The following CCDC85C variants were observed in gnomAD, a reference collection of about 807,000 sequenced individuals.
The protein encoded by CCDC85C is coiled-coil domain-containing protein 85C.
Under a neutral mutation model 38.3 loss-of-function variants are expected in CCDC85C, and 18 were observed. That is an observed-to-expected ratio of 0.47 (90% CI 0.33 to 0.70). CCDC85C has a LOEUF of 0.70. Among genes scored for constraint, CCDC85C ranks in the 30% least tolerant of loss-of-function variants. The probability of loss-of-function intolerance (pLI) is 0.03; values close to 1 mark genes in which losing one functional copy is unlikely to be tolerated. For synonymous variants in CCDC85C, 264 were observed against 293.8 expected, an observed-to-expected ratio of 0.90 and a Z score of 1.04; for missense variants, 566 against 621.2, an observed-to-expected ratio of 0.91 and a Z score of 0.94.
intron 1 of CCDC85C, among the ~76,000 whole-genome samples, chr14:99,590,644 C>T (rs913982377): frequency 1.3e-5 from 2 of 152,186 alleles, no homozygotes; most frequent in African/African-American, 2.4e-5. Context: ...GGGGCTTTCA[C>T]GTGACCTTCC....
chr14:99,532,340 A>G (rs969412751), intron 2 of CCDC85C, among the ~76,000 whole-genome samples: 6 of 152,208 alleles, frequency 3.9e-5, no homozygotes, highest in African/African-American at 1.4e-4. Flanking sequence ...CCTCACAGGC[A>G]GTGCCCTGCC....
chr14:99,510,687 G>A lies in CCDC85C; in HGVS notation c.*4559C>T, dbSNP rs374537883. On this transcript the variant is annotated 3_prime_UTR_variant, in exon 6 of 6. Transcript: ENST00000380243. The stretch of plus-strand genomic sequence containing the variant: ...GCCAGCCAGCTACCCACCTCCTGCC[G>A]TCCCCCCTGGAGGACAGCCTCCTGT... 35 of 1,356,878 alleles carry A rather than the reference G, an allele frequency of 2.6e-5. No homozygotes were observed. In the South Asian group the frequency reaches 2.6e-4, roughly 10 times the overall value. The allele number at this position is 1,356,878 out of a possible 1,614,324, so 84.1% of individuals were successfully genotyped here. A position where few individuals can be genotyped will look rare whatever the true frequency, so the allele number is the denominator to read the frequency against.
chr14:99,518,085 C>A (rs1034449051), intron 3 of CCDC85C, among the ~76,000 whole-genome samples: 5 of 152,174 alleles, frequency 3.3e-5, no homozygotes, highest in African/African-American at 1.2e-4. Context: ...GTAAATGGGG[C>A]CCTGATGACG....
At position 99,516,624 on chromosome 14, in the gene CCDC85C, C is replaced by T. The variant is rs184082673; in HGVS notation, c.1072-338G>A. ...GCCACGTGGAGGGGGTGTGAGTAGG[C>T]GTGGCCGTGCATGCATGTGGGATGT... On this transcript the variant is annotated intron_variant, in intron 4 of 5. Transcript: ENST00000380243. This position sits in a 1 kb window ranked among gnomAD's most constrained non-coding sequence, Gnocchi z 5.5. Among the ~76,000 whole-genome samples the T allele has an allele frequency of 1.3e-5, 2 of 152,040 alleles. No homozygotes were observed. The highest frequency in any genetic ancestry group is 3.9e-4 in the East Asian group (2 of 5,154).
In CCDC85C at chr14:99,589,463, G is replaced by A. The variant is rs189809622; in HGVS notation, c.793+13704C>T. Among the ~76,000 whole-genome samples, 22 of 152,356 alleles carry A rather than the reference G, an allele frequency of 1.4e-4. 1 individual carries two copies. Among genetic ancestry groups the A allele is most frequent in the Admixed American group, 1.2e-3 (19 of 15,308 alleles). The stretch of plus-strand genomic sequence containing the variant: ...GTTGTGGAGCCTCCCGACCACGAAC[G>A]TGCATTCAGTTGATCTATTTTTATT... On this transcript the variant is annotated intron_variant, in intron 1 of 5. Coordinates refer to ENST00000380243, the MANE Select transcript of CCDC85C (RefSeq NM_001144995.2).
chr14:99,591,568 C>T (rs1477333143), intron 1 of CCDC85C, among the ~76,000 whole-genome samples: 7 of 151,958 alleles, frequency 4.6e-5, no homozygotes, highest in East Asian at 3.9e-4. Context: ...GGAGGCAGGA[C>T]GGGGGGGCCA....
In CCDC85C at chr14:99,563,848, G is replaced by A. The variant is rs567931363; in HGVS notation, c.794-27760C>T. ...TGGGCACGAGCCAGATGGGCTAGCA[G>A]AGTCTGCCCTCTGAGCACGGCCTCC... On this transcript the variant is annotated intron_variant, in intron 1 of 5. Coordinates refer to ENST00000380243, the MANE Select transcript of CCDC85C (RefSeq NM_001144995.2). Among the ~76,000 whole-genome samples the A allele has an allele frequency of 3.3e-5, 5 of 152,362 alleles. No individual in the cohort carries two copies. In the East Asian group the frequency reaches 9.7e-4, roughly 29 times the overall value.
intron 3 of CCDC85C, among the ~76,000 whole-genome samples, chr14:99,519,160 G>C (rs1897270900): frequency 8.1e-6 from 1 of 123,812 alleles, no homozygotes; most frequent in Non-Finnish European, 1.6e-5. Flanking sequence ...CTGTCGCCCA[G>C]GCTGAAGTAC....
At chr14:99,521,707 C>A (rs1173762276) in intron 3 of CCDC85C, among the ~76,000 whole-genome samples, 7 of 152,214 alleles carry the variant, frequency 4.6e-5, no homozygotes, top group South Asian at 2.1e-4. Context: ...CTCCAAGCCG[C>A]CCACCCCATT....
chr14:99,547,230 C>T (rs568870485), intron 1 of CCDC85C, among the ~76,000 whole-genome samples: 10 of 152,190 alleles, frequency 6.6e-5, no homozygotes, highest in East Asian at 5.8e-4. Flanking sequence ...ACAAAAACTT[C>T]GGCTTTTCTT....
At position 99,584,651 on chromosome 14, in the gene CCDC85C, A is replaced by G. The variant is rs540046440; in HGVS notation, c.793+18516T>C. 2.6e-5 allele frequency among the ~76,000 whole-genome samples: 4 copies of G among 152,368 alleles called. No individual in the cohort carries two copies. The East Asian group carries it at 7.7e-4, about 29-fold the overall frequency. On this transcript the variant is annotated intron_variant, in intron 1 of 5. Coordinates refer to ENST00000380243, the MANE Select transcript of CCDC85C (RefSeq NM_001144995.2). ...CTCAGGCAGGGGTGTACAGTGCATG[A>G]GAAGAAATCTATCACATGGCAGACA...
intron 1 of CCDC85C, among the ~76,000 whole-genome samples, chr14:99,537,817 A>G (rs1419871650): frequency 6.6e-6 from 1 of 151,990 alleles, no homozygotes; most frequent in Non-Finnish European, 1.5e-5. Context: ...ATGCCCACCC[A>G]AGCAAAGCGG....
rs1466343804 is a variant in CCDC85C at position 99,520,194 on chromosome 14, T to TG, written c.975+1938dup. Reference sequence around the variant, plus strand: ...CCCACAGGTAGCCTTAAAGGAGACTTGCCTGGGTCTGGAAGGGCCTGTGTG... The same window carrying TG: ...CCCACAGGTAGCCTTAAAGGAGACTTGGCCTGGGTCTGGAAGGGCCTGTGTG... On this transcript the variant is annotated intron_variant, in intron 3 of 5. Coordinates refer to ENST00000380243, the MANE Select transcript of CCDC85C (RefSeq NM_001144995.2). The surrounding 1 kb of genome is among the most constrained non-coding windows in gnomAD (Gnocchi z 4.1). Among the ~76,000 whole-genome samples, 2 of 152,132 alleles carry TG rather than the reference T, an allele frequency of 1.3e-5. No individual in the cohort carries two copies. The highest frequency in any genetic ancestry group is 2.9e-5 in the Non-Finnish European group (2 of 67,996).
In CCDC85C at chr14:99,510,665, A is replaced by G. The variant is rs910495218; in HGVS notation, c.*4581T>C. 5.7e-5 allele frequency: 77 copies of G among 1,339,768 alleles called. No individual in the cohort carries two copies. The highest frequency in any genetic ancestry group is 6.5e-5 in the Non-Finnish European group (68 of 1,039,208). 83.0% of individuals were successfully genotyped at this position (1,339,768 alleles called of 1,614,324 possible). A position where few individuals can be genotyped will look rare whatever the true frequency, so the allele number is the denominator to read the frequency against. ...CTCCTCCAGGGTTGGGCCTGCCGCCAGCCAGCTACCCACCTCCTGCCGTCC... is the reference window on the plus strand; with the variant it reads ...CTCCTCCAGGGTTGGGCCTGCCGCCGGCCAGCTACCCACCTCCTGCCGTCC... On this transcript the variant is annotated 3_prime_UTR_variant, in exon 6 of 6. Coordinates refer to ENST00000380243, the MANE Select transcript of CCDC85C (RefSeq NM_001144995.2).
At position 99,501,463 on chromosome 14, in the gene CCDC85C, G is replaced by C. The variant is rs1224245161; in HGVS notation, c.*13783C>G. 6 of 1,175,904 alleles carry C rather than the reference G, an allele frequency of 5.1e-6. No individual in the cohort carries two copies. The highest frequency in any genetic ancestry group is 7.6e-6 in the Non-Finnish European group (6 of 787,504). The allele number at this position is 1,175,904 out of a possible 1,614,324, so 72.8% of individuals were successfully genotyped here. On this transcript the variant is annotated 3_prime_UTR_variant, in exon 6 of 6. Transcript: ENST00000380243. Reference sequence around the variant, plus strand: ...ATTACAGTATTTTAAAATAGGCAGAGACTTTATGGACCATTTCATCTAAAC... The same window carrying C: ...ATTACAGTATTTTAAAATAGGCAGACACTTTATGGACCATTTCATCTAAAC...
rs1010413806 is a variant in CCDC85C, at chr14:99,603,464, C to T, written c.496G>A (p.Gly166Ser). 1.2e-5 allele frequency: 16 copies of T among 1,284,308 alleles called. No homozygotes were observed. The highest frequency in any genetic ancestry group is 9.7e-5 in the East Asian group (3 of 30,994). 79.6% of individuals were successfully genotyped at this position (1,284,308 alleles called of 1,614,324 possible). ...GCGCCGCCCCCGCCGCCGCCGCCAC[C>T]GCTTGCGGCCCCCGTCGCCGCCAGT... is the stretch of plus-strand genomic sequence containing the variant. Reference protein sequence around the residue: ...AALAATGAASGGGGGGGGAGS... With the variant: ...AALAATGAASSGGGGGGGAGS... The change falls in exon 1 of 6, where the codon GGT (glycine) becomes AGT (serine). Residue 166 changes from glycine (G) to serine (S), a missense_variant. Transcript: ENST00000380243. The surrounding 1 kb of genome is among the most constrained non-coding windows in gnomAD (Gnocchi z 7.5).
In CCDC85C at chr14:99,548,943, A is replaced by C. The variant is rs1036743774; in HGVS notation, c.794-12855T>G. Among the ~76,000 whole-genome samples, 3 of 152,228 alleles carry C rather than the reference A, an allele frequency of 2.0e-5. No homozygotes were observed. The highest frequency in any genetic ancestry group is 7.2e-5 in the African/African-American group (3 of 41,460). On this transcript the variant is annotated intron_variant, in intron 1 of 5. Coordinates refer to ENST00000380243, the MANE Select transcript of CCDC85C (RefSeq NM_001144995.2). The surrounding 1 kb of genome is among the most constrained non-coding windows in gnomAD (Gnocchi z 4.9). Reference sequence around the variant, plus strand: ...GTCTGAAAATCTGCAAAGCATCCTCACATTGTTAGAGGCTTGCCAGGCAGG... The same window carrying C: ...GTCTGAAAATCTGCAAAGCATCCTCCCATTGTTAGAGGCTTGCCAGGCAGG...
intron 1 of CCDC85C, among the ~76,000 whole-genome samples, chr14:99,564,510 G>A (rs1898177629): frequency 6.6e-6 from 1 of 152,208 alleles, no homozygotes; most frequent in Non-Finnish European, 1.5e-5. Flanking sequence ...GCACGACACC[G>A]TTTATCTGTC....
Position 99,516,157 on chromosome 14 carries a change from A to C in CCDC85C, c.1170+31T>G, listed in dbSNP as rs1396625043. 6.5e-7 allele frequency: 1 copy of C among 1,528,170 alleles called. No homozygotes were observed. Among genetic ancestry groups the C allele is most frequent in the South Asian group, 1.2e-5 (1 of 83,674 alleles). The allele number at this position is 1,528,170 out of a possible 1,614,324, so 94.7% of individuals were successfully genotyped here. On this transcript the variant is annotated intron_variant, in intron 5 of 5. Coordinates refer to ENST00000380243, the MANE Select transcript of CCDC85C (RefSeq NM_001144995.2). The surrounding 1 kb of genome is among the most constrained non-coding windows in gnomAD (Gnocchi z 5.5). ...GGCCCTGGTCGCACTCCCAGTGCCAAGCCTCTGCCCCCCACCCCTGGAAGC... is the reference window on the plus strand; with the variant it reads ...GGCCCTGGTCGCACTCCCAGTGCCACGCCTCTGCCCCCCACCCCTGGAAGC...
Sources: allele counts gnomAD v4.1 joint callset (sites outside exome capture counted in the v4.1 genomes callset), GRCh38; gene constraint gnomAD v4.1.1; non-coding constraint Gnocchi (gnomAD v3.1); transcripts MANE v1.5; gene names NCBI Gene and HGNC (gene_info 2026-07-23, HGNC 2026-07-21).